NAV2: variants seen among roughly 807,000 people sequenced by gnomAD.
The protein encoded by NAV2 is helicase, APC down-regulated 1.
In NAV2, 54 loss-of-function variants were observed where a neutral mutation model predicts 223.2. The ratio of observed to expected loss-of-function variants is 0.24; its 90% CI spans 0.19 to 0.30. The LOEUF is 0.30. Ranked by LOEUF, NAV2 falls within the 10% of genes least tolerant of loss-of-function variation. The pLI, the probability that NAV2 is intolerant of heterozygous loss-of-function variation, is 1.00. For missense variants in NAV2, 2,806 were observed against 3,147.5 expected, an observed-to-expected ratio of 0.89 and a Z score of 2.60; for synonymous variants, 1,279 against 1,239.3, an observed-to-expected ratio of 1.03 and a Z score of -0.67.
intron 6 of NAV2, among the ~76,000 whole-genome samples, chr11:19,893,950 C>T (rs2041730723): frequency 6.6e-6 from 1 of 152,194 alleles, no homozygotes; most frequent in Non-Finnish European, 1.5e-5. Context: ...AGTTCTCCTG[C>T]ATATTCTCCT....
At position 19,859,137 on chromosome 11, in the gene NAV2, C is replaced by CTTTTTTTTTTTTTTTTTTTTTTTTT. The variant is rs569446282; in HGVS notation, c.439-9766_439-9765insTTTTTTTTTTTTTTTTTTTTTTTTT. 5.1e-4 allele frequency among the ~76,000 whole-genome samples: 55 copies of CTTTTTTTTTTTTTTTTTTTTTTTTT among 107,110 alleles called. 1 individual carries two copies. Among genetic ancestry groups the CTTTTTTTTTTTTTTTTTTTTTTTTT allele is most frequent in the East Asian group, 1.3e-3 (4 of 3,070 alleles). The allele number at this position is 107,110 out of a possible 152,430, so 70.3% of individuals were successfully genotyped here. A position where few individuals can be genotyped will look rare whatever the true frequency, so the allele number is the denominator to read the frequency against. ...ATGGAGGAGTCCAAAATCATATTCT[C>CTTTTTTTTTTTTTTTTTTTTTTTTT]TTTTTTTTTTTTTTTTTTTTTTATT... is the stretch of plus-strand genomic sequence containing the variant. On this transcript the variant is annotated intron_variant, in intron 3 of 37. Coordinates refer to ENST00000349880, the MANE Select transcript of NAV2 (RefSeq NM_145117.5).
chr11:19,956,530 A>T (rs1235040012), intron 10 of NAV2, among the ~76,000 whole-genome samples: 1 of 152,148 alleles, frequency 6.6e-6, no homozygotes, highest in East Asian at 1.9e-4. Context: ...ATTTGCTAGA[A>T]TGGCTCAGAG....
chr11:19,596,899 C>G (rs1272284873), intron 1 of NAV2, among the ~76,000 whole-genome samples: 1 of 152,224 alleles, frequency 6.6e-6, no homozygotes, highest in African/African-American at 2.4e-5. Flanking sequence ...GTAGGTATAA[C>G]TATCCCCACT....
intron 1 of NAV2, among the ~76,000 whole-genome samples, chr11:19,690,637 C>T (rs2049148062): frequency 6.6e-6 from 1 of 152,152 alleles, no homozygotes. Context: ...TGGTTCCCCA[C>T]CATATGTGAA....
At chr11:19,412,894 A>G (rs1265767965) in intron 1 of NAV2, among the ~76,000 whole-genome samples, 1 of 152,194 alleles carries the variant, frequency 6.6e-6, no homozygotes, top group Non-Finnish European at 1.5e-5. Context: ...AACAAAAAGG[A>G]TGTCCACACA....
At position 19,713,814 on chromosome 11, in the gene NAV2, A is replaced by G; in HGVS notation, c.119A>G (p.Lys40Arg). The G allele has an allele frequency of 6.2e-7, 1 of 1,613,176 alleles. No individual in the cohort carries two copies. Among genetic ancestry groups the G allele is most frequent in the Non-Finnish European group, 8.5e-7 (1 of 1,179,818 alleles). ...ARAGPQPCYLKLGSKVEVSKT... is the reference protein window; with the variant it reads ...ARAGPQPCYLRLGSKVEVSKT... ...GCGGGCCCCCAGCCCTGCTACCTGA[A>G]GTTGGGAAGCAAGGTGGAGGTGAGC... The change falls in exon 1 of 38, where the codon AAG becomes AGG. Residue 40 changes from lysine (K) to arginine (R), a missense_variant. By Grantham distance (26) the Lys-to-Arg change is conservative (BLOSUM62 2). This residue lies in a region of NAV2 where 1,167 missense variants were observed against 1,180.5 expected (regional missense o/e 0.99). Coordinates refer to ENST00000349880, the MANE Select transcript of NAV2 (RefSeq NM_145117.5). The surrounding 1 kb of genome is among the most constrained non-coding windows in gnomAD (Gnocchi z 7.2).
At position 20,103,580 on chromosome 11, in the gene NAV2, G is replaced by A. The variant is rs570153329; in HGVS notation, c.6573-73G>A. 55 of 1,531,556 alleles carry A rather than the reference G, an allele frequency of 3.6e-5. No individual in the cohort carries two copies. In the Admixed American group the frequency reaches 6.8e-4, roughly 19 times the overall value. 94.9% of individuals were successfully genotyped at this position (1,531,556 alleles called of 1,614,324 possible). A position where few individuals can be genotyped will look rare whatever the true frequency, so the allele number is the denominator to read the frequency against. On this transcript the variant is annotated intron_variant, in intron 33 of 37. Coordinates refer to ENST00000349880, the MANE Select transcript of NAV2 (RefSeq NM_145117.5). ...CACTGGCCTGGAAGCACAGGGCCAT[G>A]GGCCTCTGTGACCACCTTGTTCTCT...
intron 1 of NAV2, among the ~76,000 whole-genome samples, chr11:19,443,418 ACTCT>A (rs1450542729): frequency 1.3e-5 from 2 of 151,480 alleles, no homozygotes; most frequent in African/African-American, 2.4e-5. Context: ...GTGCATCCCC[ACTCT>A]CTCTCCCTGC....
At chr11:19,527,533 C>T (rs1459205559) in intron 1 of NAV2, among the ~76,000 whole-genome samples, 1 of 152,054 alleles carries the variant, frequency 6.6e-6, no homozygotes, top group African/African-American at 2.4e-5. Context: ...GTCCAATGAG[C>T]TTCAACTTTC....
chr11:19,890,614 CTCTG>C (rs975941432), intron 5 of NAV2, among the ~76,000 whole-genome samples: 2 of 152,222 alleles, frequency 1.3e-5, no homozygotes, highest in African/African-American at 4.8e-5. Flanking sequence ...TTCCCAAAGA[CTCTG>C]TCTGGTTTAA....
chr11:19,910,885 C>A (rs1426034448), intron 6 of NAV2, among the ~76,000 whole-genome samples: 3 of 152,046 alleles, frequency 2.0e-5, no homozygotes, highest in African/African-American at 7.2e-5. Context: ...AAAAAATAAC[C>A]AAACACCACA....
At chr11:19,423,925 A>G (rs1352640557) in intron 1 of NAV2, among the ~76,000 whole-genome samples, 1 of 152,186 alleles carries the variant, frequency 6.6e-6, no homozygotes, top group Non-Finnish European at 1.5e-5. Context: ...GAATCGTAGA[A>G]TAATAGTATG....
At chr11:19,876,804 T>C (rs945719639) in intron 4 of NAV2, among the ~76,000 whole-genome samples, 1 of 150,838 alleles carries the variant, frequency 6.6e-6, no homozygotes, top group Non-Finnish European at 1.5e-5. Flanking sequence ...TTTTCTTGCA[T>C]GGTTAAAAAA....
intron 4 of NAV2, among the ~76,000 whole-genome samples, chr11:19,871,762 TG>T (rs2153057667): frequency 6.6e-6 from 1 of 152,140 alleles, no homozygotes; most frequent in East Asian, 1.9e-4. Flanking sequence ...CTCATTCAGG[TG>T]GCCAAGAGGC....
chr11:19,729,511 GATGGC>G (rs2051555509), intron 1 of NAV2, among the ~76,000 whole-genome samples: 1 of 152,224 alleles, frequency 6.6e-6, no homozygotes, highest in Non-Finnish European at 1.5e-5. Flanking sequence ...TAAGGCCCAA[GATGGC>G]TGGCTTTAAG....
rs775315179 is a variant in NAV2, at chr11:20,045,541, A to G, written c.3773A>G (p.Asp1258Gly). Residue 1258 changes from aspartate (D) to glycine (G), a missense_variant, in exon 14 of 38, where the codon GAC becomes GGC. Physicochemically the swap from Asp to Gly is moderately conservative, Grantham distance 94. Transcript: ENST00000349880. ...GACAAGGAGAAAGGCATCTCATCAG[A>G]CAACGAGAGTGTGGCTTCCTGTAAC... is the stretch of plus-strand genomic sequence containing the variant. The part of the protein sequence containing the change: ...QTDKEKGISS[D>G]NESVASCNSV... The G allele has an allele frequency of 1.9e-6, 3 of 1,614,180 alleles. No individual in the cohort carries two copies. Among genetic ancestry groups the G allele is most frequent in the East Asian group, 2.2e-5 (1 of 44,870 alleles).
chr11:20,114,740 G>T lies in NAV2; in HGVS notation c.7109G>T (p.Arg2370Leu). The change falls in exon 37 of 38, where the codon CGG becomes CTG. Residue 2370 changes from arginine to leucine, a missense_variant. This residue lies in a region of NAV2 where 824 missense variants were observed against 1,069.4 expected (regional missense o/e 0.77). Transcript: ENST00000349880. ...GGCTTCGACGGCTACTCCATGCCTC[G>T]GGAGGGATCGACAAGCAAGCAGATG... ...DVGFDGYSMP[R>L]EGSTSKQMPP... is the part of the protein sequence containing the mutation. 6.2e-7 allele frequency: 1 copy of T among 1,614,000 alleles called. No individual in the cohort carries two copies. Among genetic ancestry groups the T allele is most frequent in the African/African-American group, 1.3e-5 (1 of 75,018 alleles).
intron 10 of NAV2, among the ~76,000 whole-genome samples, chr11:19,969,718 G>A (rs993541406): frequency 3.3e-5 from 5 of 151,956 alleles, no homozygotes; most frequent in Non-Finnish European, 5.9e-5. Context: ...TGAGGCGGGC[G>A]GATAATGAGG....
At chr11:19,854,512 T>C (rs1424577100) in intron 3 of NAV2, among the ~76,000 whole-genome samples, 2 of 152,218 alleles carry the variant, frequency 1.3e-5, no homozygotes, top group Admixed American at 1.3e-4. Flanking sequence ...TGGCTGTAAC[T>C]GGGTAGGAGC....
Sources: allele counts gnomAD v4.1 joint callset (sites outside exome capture counted in the v4.1 genomes callset), GRCh38; gene constraint gnomAD v4.1.1; regional missense constraint gnomAD v4.1.1; non-coding constraint Gnocchi (gnomAD v3.1); transcripts MANE v1.5; gene names NCBI Gene and HGNC (gene_info 2026-07-23, HGNC 2026-07-21).